The following CDH4 variants were observed in gnomAD, a reference collection of about 807,000 sequenced individuals.
CDH4 encodes the protein cadherin 4.
Under a neutral mutation model 86.0 loss-of-function variants are expected in CDH4, and 33 were observed. That is an observed-to-expected ratio of 0.38 (90% confidence interval 0.29 to 0.51). CDH4 has a LOEUF of 0.51. Ranked by LOEUF, CDH4 falls within the 20% of genes least tolerant of loss-of-function variation. The probability of loss-of-function intolerance (pLI) is 0.86; values close to 1 mark genes in which losing one functional copy is unlikely to be tolerated. For missense variants in CDH4, 1,114 were observed against 1,307.4 expected, an observed-to-expected ratio of 0.85 and a Z score of 2.28; for synonymous variants, 555 against 549.4, an observed-to-expected ratio of 1.01 and a Z score of -0.14.
In CDH4 at chr20:61,421,967, A is replaced by C. The variant is rs1052357443; in HGVS notation, c.169+167030A>C. Among the ~76,000 whole-genome samples, 15 of 152,204 alleles carry C rather than the reference A, an allele frequency of 9.9e-5. 1 individual carries two copies. Among genetic ancestry groups the C allele is most frequent in the Admixed American group, 9.2e-4 (14 of 15,276 alleles). ...GCAAGCCTTGAGCAGTGTGGGGCTG[A>C]CACACATTCCTCACAGGCCGCGGCT... On this transcript the variant is annotated intron_variant, in intron 2 of 15. Transcript: ENST00000614565.
chr20:61,725,318 C>T (rs2088097362), intron 2 of CDH4, among the ~76,000 whole-genome samples: 1 of 152,172 alleles, frequency 6.6e-6, no homozygotes, highest in South Asian at 2.1e-4. Flanking sequence ...AGACAGTGCA[C>T]ACTGCACAGT....
chr20:61,839,114 C>T (rs549904004), intron 4 of CDH4, among the ~76,000 whole-genome samples: 1 of 152,350 alleles, frequency 6.6e-6, no homozygotes, highest in African/African-American at 2.4e-5. Context: ...AGCTGAAACA[C>T]CTCGCTGAAG....
chr20:61,509,811 C>G (rs2085766925), intron 2 of CDH4, among the ~76,000 whole-genome samples: 1 of 152,074 alleles, frequency 6.6e-6, no homozygotes, highest in South Asian at 2.1e-4. Flanking sequence ...ACTTGCCCCA[C>G]CGAAGTCTCA....
intron 2 of CDH4, among the ~76,000 whole-genome samples, chr20:61,569,645 C>A (rs970104722): frequency 6.6e-6 from 1 of 152,206 alleles, no homozygotes; most frequent in African/African-American, 2.4e-5. Context: ...AGATTCATAT[C>A]TAATCTAGAT....
intron 4 of CDH4, among the ~76,000 whole-genome samples, chr20:61,781,030 C>G (rs371233713): frequency 5.3e-5 from 8 of 152,184 alleles, no homozygotes; most frequent in African/African-American, 1.9e-4. Flanking sequence ...TGTGCATGCA[C>G]AGAGAGGCAC....
intron 2 of CDH4, among the ~76,000 whole-genome samples, chr20:61,642,829 A>G (rs991135193): frequency 6.6e-6 from 1 of 151,944 alleles, no homozygotes; most frequent in African/African-American, 2.4e-5. Flanking sequence ...TCCTTCCCCC[A>G]TCTCTGAAGC....
chr20:61,717,092 C>T (rs1169262764), intron 2 of CDH4, among the ~76,000 whole-genome samples: 2 of 152,190 alleles, frequency 1.3e-5, no homozygotes, highest in Non-Finnish European at 2.9e-5. Flanking sequence ...CATGCTGGGC[C>T]ATGAGCAGGG....
At chr20:61,325,232 A>AT (rs1568798104) in intron 2 of CDH4, among the ~76,000 whole-genome samples, 1 of 151,956 alleles carries the variant, frequency 6.6e-6, no homozygotes, top group African/African-American at 2.4e-5. Context: ...GAAAAAAAAA[A>AT]AAAAGTCTTG....
At chr20:61,570,583 C>T in intron 2 of CDH4, 1 of 689,802 alleles carries the variant, frequency 1.4e-6, no homozygotes, top group Non-Finnish European at 2.7e-6. Context: ...TCCTTTACCC[C>T]ATTGCTCTGC....
At chr20:61,276,977 C>A (rs1470150654) in intron 2 of CDH4, among the ~76,000 whole-genome samples, 2 of 152,224 alleles carry the variant, frequency 1.3e-5, no homozygotes, top group African/African-American at 4.8e-5. Flanking sequence ...AGATTAAAGT[C>A]CAAGTGCACC....
intron 2 of CDH4, among the ~76,000 whole-genome samples, chr20:61,449,250 G>A (rs530170566): frequency 1.3e-4 from 20 of 152,284 alleles, no homozygotes; most frequent in South Asian, 2.1e-4. Context: ...TCCACGGGGG[G>A]GCCGAGGGAC....
At chr20:61,747,127 G>A (rs922925038) in intron 3 of CDH4, among the ~76,000 whole-genome samples, 4 of 152,168 alleles carry the variant, frequency 2.6e-5, no homozygotes, top group Admixed American at 6.5e-5. Context: ...AAGAACAATC[G>A]AAAGAAGAGG....
chr20:61,826,814 T>G (rs1276780259), intron 4 of CDH4, among the ~76,000 whole-genome samples: 3 of 152,120 alleles, frequency 2.0e-5, no homozygotes, highest in Admixed American at 6.5e-5. Context: ...CTCCTACCTG[T>G]CTCCTCACCT....
intron 2 of CDH4, among the ~76,000 whole-genome samples, chr20:61,275,298 C>T (rs372899763): frequency 6.0e-5 from 5 of 82,988 alleles, no homozygotes; most frequent in Non-Finnish European, 9.0e-5. Flanking sequence ...GAGCACCGTG[C>T]GCAGTTTGGG....
At chr20:61,424,842 G>A (rs537623486) in intron 2 of CDH4, among the ~76,000 whole-genome samples, 21 of 152,366 alleles carry the variant, frequency 1.4e-4, no homozygotes, top group African/African-American at 5.1e-4. Flanking sequence ...ACAGAGCAAG[G>A]CTTGGAATCC....
At position 61,539,973 on chromosome 20, in the gene CDH4, C is replaced by T. The variant is rs377222463; in HGVS notation, c.170-203590C>T. Among the ~76,000 whole-genome samples, 6 of 152,342 alleles carry T rather than the reference C, an allele frequency of 3.9e-5. No homozygotes were observed. The Middle Eastern group carries it at 0.01, about 259-fold the overall frequency. On this transcript the variant is annotated intron_variant, in intron 2 of 15. Coordinates refer to ENST00000614565, the MANE Select transcript of CDH4 (RefSeq NM_001794.5). ...CCTGTCCAATTCCCTCCCAGCTTCC[C>T]ACCGTTCTCCTCCCCGATGCCCGCA...
intron 2 of CDH4, among the ~76,000 whole-genome samples, chr20:61,344,286 G>A (rs1420710371): frequency 6.6e-6 from 1 of 152,160 alleles, no homozygotes; most frequent in Non-Finnish European, 1.5e-5. Context: ...TTCCACTGGG[G>A]TCACACAAGG....
chr20:61,690,557 C>T (rs1194340567), intron 2 of CDH4, among the ~76,000 whole-genome samples: 1 of 152,172 alleles, frequency 6.6e-6, no homozygotes, highest in East Asian at 1.9e-4. Flanking sequence ...ACTGTCTTTA[C>T]TGAAGAGCCT....
At chr20:61,764,176 C>T (rs187364708) in intron 3 of CDH4, among the ~76,000 whole-genome samples, 31 of 152,296 alleles carry the variant, frequency 2.0e-4, no homozygotes, top group African/African-American at 6.7e-4. Flanking sequence ...CCCAAGAAGC[C>T]GGCAGGGCAG....
Sources: allele counts gnomAD v4.1 joint callset (sites outside exome capture counted in the v4.1 genomes callset), GRCh38; gene constraint gnomAD v4.1.1; transcripts MANE v1.5; gene names NCBI Gene and HGNC (gene_info 2026-07-23, HGNC 2026-07-21).